Variants in TANC2 observed in about 807,000 individuals in gnomAD.
TANC2 encodes tetratricopeptide repeat, ankyrin repeat and coiled-coil containing 2.
Under a neutral mutation model 210.5 loss-of-function variants are expected in TANC2, and 26 were observed. That is an observed-to-expected ratio of 0.12 (90% CI 0.09 to 0.17). The LOEUF is 0.17. Among genes scored for constraint, TANC2 ranks in the 10% least tolerant of loss-of-function variants. The pLI, the probability that TANC2 is intolerant of heterozygous loss-of-function variation, is 1.00. For synonymous variants in TANC2, 931 were observed against 967.1 expected, an observed-to-expected ratio of 0.96 and a Z score of 0.69; for missense variants, 2,129 against 2,608.9, an observed-to-expected ratio of 0.82 and a Z score of 4.01.
chr17:63,214,975 G>A (rs950185039), intron 7 of TANC2, among the ~76,000 whole-genome samples: 1 of 152,062 alleles, frequency 6.6e-6, no homozygotes, highest in Non-Finnish European at 1.5e-5. Context: ...CCTTAGAAAG[G>A]GTTAGTAAAC....
At chr17:63,426,051 G>A (rs893569088) in exon 28 of TANC2, 5 of 152,260 alleles carry the variant, frequency 3.3e-5, no homozygotes, top group Non-Finnish European at 5.9e-5. Flanking sequence ...GCCCGCCCCT[G>A]TGCCCAGCCT....
At chr17:63,281,582 C>T (rs1598765816) in intron 9 of TANC2, among the ~76,000 whole-genome samples, 2 of 151,556 alleles carry the variant, frequency 1.3e-5, no homozygotes, top group South Asian at 2.1e-4. Context: ...AATCAGCATA[C>T]TTGAGAGGAA....
chr17:63,258,303 A>G (rs960565968), intron 8 of TANC2, among the ~76,000 whole-genome samples: 1 of 152,076 alleles, frequency 6.6e-6, no homozygotes, highest in Non-Finnish European at 1.5e-5. Flanking sequence ...CACCTTTGGG[A>G]AAAAGTACCT....
chr17:62,967,223 A>C (rs2031397824), intron 1 of TANC2: 1 of 152,258 alleles, frequency 6.6e-6, no homozygotes, highest in African/African-American at 2.4e-5. Flanking sequence ...GAGGTGTAGC[A>C]TAATAAAAGA....
chr17:62,985,222 A>C lies in TANC2; in HGVS notation c.-24+18473A>C, dbSNP rs543400604. On this transcript the variant is annotated intron_variant, in intron 1 of 27. Coordinates refer to ENST00000689528, the Ensembl canonical transcript of TANC2. ...TCATCTCATTCTCTCCTGGCCTGTG[A>C]GGTTTCTTCTGAGAAATCTACTCTA... 1.2e-3 allele frequency among the ~76,000 whole-genome samples: 186 copies of C among 151,790 alleles called. 1 individual carries two copies. Among genetic ancestry groups the C allele is most frequent in the African/African-American group, 4.3e-3 (179 of 41,356 alleles).
intron 8 of TANC2, among the ~76,000 whole-genome samples, chr17:63,248,668 G>A (rs1477648958): frequency 6.6e-6 from 1 of 152,000 alleles, no homozygotes; most frequent in Non-Finnish European, 1.5e-5. Flanking sequence ...CACATCTTCT[G>A]GCATGACCAG....
chr17:62,988,297 T>TG (rs2032679229), intron 1 of TANC2, among the ~76,000 whole-genome samples: 1 of 144,726 alleles, frequency 6.9e-6, no homozygotes, highest in Admixed American at 6.9e-5. Flanking sequence ...CTGGCTAACT[T>TG]TTTTTTTTTT....
At chr17:63,237,241 T>C (rs1337986246) in intron 7 of TANC2, among the ~76,000 whole-genome samples, 3 of 152,184 alleles carry the variant, frequency 2.0e-5, no homozygotes, top group Non-Finnish European at 4.4e-5. Context: ...GAGATTTTTT[T>C]CATGTACATG....
At chr17:63,106,297 A>G (rs1057329389) in intron 4 of TANC2, among the ~76,000 whole-genome samples, 4 of 151,686 alleles carry the variant, frequency 2.6e-5, no homozygotes, top group African/African-American at 7.3e-5. Context: ...AGTGGTAAAA[A>G]CAGATTTTAG....
intron 14 of TANC2, among the ~76,000 whole-genome samples, chr17:63,360,524 C>CATAT (rs371964148): frequency 1.3e-5 from 2 of 150,310 alleles, no homozygotes; most frequent in African/African-American, 4.9e-5. Flanking sequence ...TACATACATA[C>CATAT]ATATATATAT....
At chr17:63,177,222 G>T (rs1050605910) in intron 5 of TANC2, among the ~76,000 whole-genome samples, 1 of 137,522 alleles carries the variant, frequency 7.3e-6, no homozygotes, top group Admixed American at 7.9e-5. Context: ...CCATGACTGT[G>T]CCATTGTACT....
chr17:63,265,190 G>A (rs2043486524), intron 8 of TANC2, among the ~76,000 whole-genome samples: 1 of 152,170 alleles, frequency 6.6e-6, no homozygotes, highest in African/African-American at 2.4e-5. Context: ...AAGTTTTTGA[G>A]TGCTGACCTG....
chr17:63,368,523 C>T (rs1369573727), intron 14 of TANC2, among the ~76,000 whole-genome samples: 1 of 151,936 alleles, frequency 6.6e-6, no homozygotes, highest in African/African-American at 2.4e-5. Flanking sequence ...TATTTAAATG[C>T]TAAAAGAAGA....
intron 9 of TANC2, among the ~76,000 whole-genome samples, chr17:63,282,865 C>T (rs2044102092): frequency 1.3e-5 from 2 of 151,946 alleles, no homozygotes; most frequent in South Asian, 2.1e-4. Context: ...TTTGGATGCA[C>T]GTCCTTTAAC....
intron 2 of TANC2, among the ~76,000 whole-genome samples, chr17:63,055,965 CAAAAAAA>C (rs869063496): frequency 4.8e-4 from 25 of 52,582 alleles, no homozygotes; most frequent in African/African-American, 1.3e-3. Context: ...TCATCTCTAC[CAAAAAAA>C]AAAAAAAAAA....
intron 3 of TANC2, among the ~76,000 whole-genome samples, chr17:63,098,004 C>G (rs186307660): frequency 6.6e-6 from 1 of 152,014 alleles, no homozygotes; most frequent in Non-Finnish European, 1.5e-5. Context: ...AAATTTTAAA[C>G]GTTTATTTTC....
chr17:63,374,614 T>C (rs941020904), intron 14 of TANC2, among the ~76,000 whole-genome samples: 2 of 152,104 alleles, frequency 1.3e-5, no homozygotes, highest in Admixed American at 1.3e-4. Context: ...ATTTGAAGAA[T>C]GAGAAATTGT....
intron 18 of TANC2, among the ~76,000 whole-genome samples, chr17:63,398,576 T>C (rs1239584408): frequency 6.6e-6 from 1 of 152,228 alleles, no homozygotes; most frequent in Non-Finnish European, 1.5e-5. Context: ...TATGTAATTT[T>C]TAAAAAATCA....
intron 5 of TANC2, among the ~76,000 whole-genome samples, chr17:63,164,118 A>T (rs2040123639): frequency 6.7e-6 from 1 of 150,162 alleles, no homozygotes; most frequent in African/African-American, 2.4e-5. Flanking sequence ...TCTTAGCTGC[A>T]GCATCAGCAG....
Sources: gnomAD v4.1 joint callset for allele counts (sites outside exome capture counted in the v4.1 genomes callset) on GRCh38, gnomAD v4.1.1 for gene constraint, MANE v1.5 for transcripts, NCBI Gene and HGNC (gene_info 2026-07-23, HGNC 2026-07-21) for gene names.